Variants in UGT1A4 observed in about 807,000 individuals in gnomAD.
UGT1A4 encodes the protein UDP glucuronosyltransferase family 1 member A4, also known as UDP-glucuronosyltransferase 1A4.
Under a neutral mutation model 41.1 loss-of-function variants are expected in UGT1A4, and 32 were observed. The ratio of observed to expected loss-of-function variants is 0.78; its 90% CI spans 0.59 to 1.05. The LOEUF (loss-of-function observed/expected upper bound fraction) is 1.05. Among genes scored for constraint, UGT1A4 ranks in the 50% least tolerant of loss-of-function variants. UGT1A4 has a pLI of 0.00. For synonymous variants in UGT1A4, 283 were observed against 265.1 expected (o/e 1.07, Z -0.66); for missense variants, 748 against 677.4 (o/e 1.10, Z -1.16).
intron 1 of UGT1A4, among the ~76,000 whole-genome samples, chr2:233,750,390 A>T (rs1292559370): frequency 3.9e-5 from 6 of 151,942 alleles, no homozygotes; most frequent in Admixed American, 2.0e-4. Context: ...AAGTTTGGAA[A>T]ATTTGCAGCC....
At chr2:233,748,105 C>T in intron 1 of UGT1A4, 1 of 1,612,580 alleles carries the variant, frequency 6.2e-7, no homozygotes, top group Non-Finnish European at 8.5e-7. Flanking sequence ...TTCATCCAAT[C>T]AATGTTCCAG....
intron 1 of UGT1A4, chr2:233,743,840 A>C: frequency 7.3e-7 from 1 of 1,367,236 alleles, no homozygotes; most frequent in Non-Finnish European, 9.8e-7. Flanking sequence ...CTTGAGCGCC[A>C]GCTTGCGGTA....
chr2:233,751,147 C>A (rs1013062479), intron 1 of UGT1A4, among the ~76,000 whole-genome samples: 1 of 151,976 alleles, frequency 6.6e-6, no homozygotes, highest in African/African-American at 2.4e-5. Context: ...TGGGAGCCCA[C>A]TTCTGGCATC....
intron 1 of UGT1A4, chr2:233,729,974 A>G (rs779334131): frequency 1.9e-6 from 3 of 1,614,082 alleles, no homozygotes; most frequent in Non-Finnish European, 2.5e-6. Flanking sequence ...AACTGTGCCA[A>G]CAGGAAGCCA....
At chr2:233,739,481 A>C (rs1429465625) in intron 1 of UGT1A4, among the ~76,000 whole-genome samples, 1 of 152,208 alleles carries the variant, frequency 6.6e-6, no homozygotes, top group Non-Finnish European at 1.5e-5. Flanking sequence ...GTGGGAGCCC[A>C]TTTCTGGCAT....
intron 1 of UGT1A4, among the ~76,000 whole-genome samples, chr2:233,757,890 C>A (rs1243643076): frequency 6.6e-6 from 1 of 152,110 alleles, no homozygotes; most frequent in Non-Finnish European, 1.5e-5. Flanking sequence ...GTTCCAGAAA[C>A]ACTTTCCATG....
rs1357806418 is a variant in UGT1A4 at position 233,725,294 on chromosome 2, A to G, written c.867+5607A>G. ...CAGAGGCAGAGGCAGAGGCAGAGGC[A>G]GAGGCAGAGGCAGAGGCAGAGGCGC... On this transcript the variant is annotated intron_variant, in intron 1 of 4. Coordinates refer to ENST00000373409, the MANE Select transcript of UGT1A4 (RefSeq NM_007120.3). 6.7e-5 allele frequency among the ~76,000 whole-genome samples: 7 copies of G among 104,870 alleles called. 1 individual carries two copies. The highest frequency in any genetic ancestry group is 6.5e-4 in the South Asian group (2 of 3,086). The allele number at this position is 104,870 out of a possible 152,430, so 68.8% of individuals were successfully genotyped here. A position where few individuals can be genotyped will look rare whatever the true frequency, so the allele number is the denominator to read the frequency against.
At chr2:233,748,709 G>T (rs1302757653) in intron 1 of UGT1A4, among the ~76,000 whole-genome samples, 2 of 151,634 alleles carry the variant, frequency 1.3e-5, no homozygotes, top group East Asian at 3.9e-4. Flanking sequence ...AGGATTTGGG[G>T]TCTGGTGCAT....
chr2:233,746,004 G>A (rs1693275700), intron 1 of UGT1A4, among the ~76,000 whole-genome samples: 1 of 151,648 alleles, frequency 6.6e-6, no homozygotes, highest in Non-Finnish European at 1.5e-5. Context: ...GAGAGACAGT[G>A]GTAGAAACAT....
chr2:233,720,890 T>A (rs2076904150), intron 1 of UGT1A4, among the ~76,000 whole-genome samples: 3 of 149,442 alleles, frequency 2.0e-5, no homozygotes, highest in African/African-American at 5.0e-5. Context: ...TTTTTTTTTT[T>A]AGTAGAGATG....
intron 1 of UGT1A4, among the ~76,000 whole-genome samples, chr2:233,739,951 G>A (rs533176233): frequency 1.3e-5 from 2 of 151,940 alleles, no homozygotes; most frequent in East Asian, 1.9e-4. Context: ...TACCTGGTGG[G>A]AGCTGATTGA....
chr2:233,745,820 G>A (rs894778963), intron 1 of UGT1A4, among the ~76,000 whole-genome samples: 23 of 151,370 alleles, frequency 1.5e-4, no homozygotes, highest in African/African-American at 5.1e-4. Context: ...TGAGAGCAAG[G>A]CAGAGGACTC....
intron 1 of UGT1A4, among the ~76,000 whole-genome samples, chr2:233,720,100 C>T (rs1458548805): frequency 2.0e-5 from 3 of 152,132 alleles, no homozygotes; most frequent in African/African-American, 7.2e-5. Flanking sequence ...TTAGTGGTCC[C>T]ATCTTGCGAA....
chr2:233,748,568 G>A (rs1374135931), intron 1 of UGT1A4, among the ~76,000 whole-genome samples: 1 of 151,846 alleles, frequency 6.6e-6, no homozygotes, highest in South Asian at 2.1e-4. Flanking sequence ...GGAAGTAGAA[G>A]TGTTAAAGAG....
intron 1 of UGT1A4, among the ~76,000 whole-genome samples, chr2:233,724,126 A>ACCTC: frequency 1.1e-5 from 1 of 94,706 alleles, no homozygotes. Flanking sequence ...GGCGCCCCTC[A>ACCTC]CCTCCCGGAC....
chr2:233,761,167 G>C, intron 1 of UGT1A4: 1 of 1,614,098 alleles, frequency 6.2e-7, no homozygotes. Flanking sequence ...TATTGGAGTG[G>C]GACTTTTACA....
chr2:233,724,358 C>T (rs2077236787), intron 1 of UGT1A4, among the ~76,000 whole-genome samples: 1 of 147,908 alleles, frequency 6.8e-6, no homozygotes, highest in African/African-American at 2.5e-5. Context: ...CACCTCCCTC[C>T]CGGACGGGGT....
intron 1 of UGT1A4, among the ~76,000 whole-genome samples, chr2:233,745,573 G>T (rs1271557146): frequency 6.6e-6 from 1 of 151,620 alleles, no homozygotes; most frequent in African/African-American, 2.4e-5. Flanking sequence ...AGCCTCTAGT[G>T]ACATAACCTG....
In UGT1A4 at chr2:233,745,829, T is replaced by C. The variant is rs1012358577; in HGVS notation, c.868-21205T>C. Among the ~76,000 whole-genome samples, 18 of 151,294 alleles carry C rather than the reference T, an allele frequency of 1.2e-4. 1 individual carries two copies. The highest frequency in any genetic ancestry group is 4.2e-4 in the African/African-American group (17 of 40,760). Reference sequence around the variant, plus strand: ...GAGTTTTGAGAGCAAGGCAGAGGACTCTGAATTTTCTTCTGTGCCCAGGAA... The same window carrying C: ...GAGTTTTGAGAGCAAGGCAGAGGACCCTGAATTTTCTTCTGTGCCCAGGAA... On this transcript the variant is annotated intron_variant, in intron 1 of 4. Coordinates refer to ENST00000373409, the MANE Select transcript of UGT1A4 (RefSeq NM_007120.3).
Sources: gnomAD v4.1 joint callset for allele counts (sites outside exome capture counted in the v4.1 genomes callset) on GRCh38, gnomAD v4.1.1 for gene constraint, MANE v1.5 for transcripts, NCBI Gene and HGNC (gene_info 2026-07-23, HGNC 2026-07-21) for gene names.